STRADB: variants seen among roughly 807,000 people sequenced by gnomAD.
STRADB encodes the protein STE20 related adaptor beta.
A neutral mutation model predicts 52.1 loss-of-function variants in STRADB; 34 were observed. The ratio of observed to expected loss-of-function variants is 0.65; its 90% CI spans 0.50 to 0.87. The LOEUF (loss-of-function observed/expected upper bound fraction) is 0.87. Among genes scored for constraint, STRADB ranks in the 40% least tolerant of loss-of-function variants. STRADB has a pLI of 0.00. For missense variants in STRADB, 340 were observed against 483.9 expected (o/e 0.70, Z 2.79); for synonymous variants, 133 against 174.5 (o/e 0.76, Z 1.87).
Position 201,473,065 on chromosome 2 carries a change from A to C in STRADB, c.304A>C (p.Lys102Gln). The change falls in exon 5 of 12, where the codon AAA becomes CAA. Residue 102 changes from lysine (K) to glutamine (Q), a missense_variant. Coordinates refer to ENST00000194530, the MANE Select transcript of STRADB (RefSeq NM_018571.6). ...NLENCNEERL[K>Q]ALQKAVILSH... ...GGAAAACTGCAATGAAGAACGCCTG[A>C]AAGCTTTACAGGTAACAATATGAAG... 6.2e-7 allele frequency: 1 copy of C among 1,612,662 alleles called. No individual in the cohort carries two copies. Among genetic ancestry groups the C allele is most frequent in the Non-Finnish European group, 8.5e-7 (1 of 1,179,588 alleles).
intron 11 of STRADB, 86 bp from the exon 12 acceptor site, chr2:201,479,946 T>C: frequency 6.6e-7 from 1 of 1,505,922 alleles, no homozygotes; most frequent in Non-Finnish European, 9.2e-7. Context: ...ACATTTAACA[T>C]AAATTCTTTA....
At chr2:201,477,501 C>A in intron 7 of STRADB, 118 bp from the exon 8 acceptor site, 1 of 1,015,202 alleles carries the variant, frequency 9.9e-7, no homozygotes, top group Non-Finnish European at 1.5e-6. Flanking sequence ...GTTTATACTG[C>A]TGTTTTGTAA....
chr2:201,457,866 A>G (rs1952150356), intron 2 of STRADB, among the ~76,000 whole-genome samples: 1 of 152,136 alleles, frequency 6.6e-6, no homozygotes, highest in Non-Finnish European at 1.5e-5. Flanking sequence ...TCTACTAAAA[A>G]TACAAAAATT....
At chr2:201,452,425 C>T (rs1952060201) in intron 1 of STRADB, among the ~76,000 whole-genome samples, 1 of 152,222 alleles carries the variant, frequency 6.6e-6, no homozygotes, top group Admixed American at 6.5e-5. Context: ...GTCGTTTTGT[C>T]TTCGGTTTTT....
At chr2:201,455,514 C>T (rs914107159) in intron 2 of STRADB, among the ~76,000 whole-genome samples, 2 of 152,124 alleles carry the variant, frequency 1.3e-5, no homozygotes, top group Non-Finnish European at 2.9e-5. Flanking sequence ...AGGAGTTCAA[C>T]ACCAGCCTAG....
intron 3 of STRADB, among the ~76,000 whole-genome samples, chr2:201,459,724 T>G (rs1952184075): frequency 6.6e-6 from 1 of 152,204 alleles, no homozygotes; most frequent in Non-Finnish European, 1.5e-5. Context: ...ACAGGCCTGC[T>G]TGTATCGCTT....
chr2:201,464,827 C>T (rs1403811910), intron 3 of STRADB, among the ~76,000 whole-genome samples: 2 of 152,256 alleles, frequency 1.3e-5, no homozygotes, highest in Non-Finnish European at 2.9e-5. Context: ...TCCCATTCTT[C>T]CCTCTCCTTT....
At chr2:201,467,612 G>C (rs2125677683) in intron 3 of STRADB, among the ~76,000 whole-genome samples, 1 of 152,236 alleles carries the variant, frequency 6.6e-6, no homozygotes, top group East Asian at 1.9e-4. Flanking sequence ...TTGGCCACTT[G>C]CAAATGGCAA....
chr2:201,454,363 CTG>C (rs546855031), intron 1 of STRADB, among the ~76,000 whole-genome samples: 40 of 152,284 alleles, frequency 2.6e-4, no homozygotes, highest in Non-Finnish European at 4.3e-4. Flanking sequence ...GTAAGTGACA[CTG>C]TTTATATCAA....
chr2:201,477,931 A>G, intron 8 of STRADB, 141 bp downstream of exon 8: 1 of 1,222,914 alleles, frequency 8.2e-7, no homozygotes, highest in Non-Finnish European at 1.2e-6. Context: ...AAATTATGTT[A>G]GGAAATTAAA....
intron 3 of STRADB, 59 bp from the exon 4 acceptor site, chr2:201,469,894 T>G: frequency 7.8e-7 from 1 of 1,287,284 alleles, no homozygotes; most frequent in Non-Finnish European, 1.1e-6. Flanking sequence ...TGTTTTATAT[T>G]AGGGCAGGGG....
At chr2:201,474,794 A>G (rs370617811) in intron 6 of STRADB, 39 bp downstream of exon 6, 4 of 1,460,254 alleles carry the variant, frequency 2.7e-6, no homozygotes, top group Non-Finnish European at 3.8e-6. Context: ...CTTAGCCTAG[A>G]TGTTATAATT....
intron 5 of STRADB, among the ~76,000 whole-genome samples, chr2:201,473,612 AACTT>A (rs1397884979): frequency 6.6e-6 from 1 of 152,208 alleles, no homozygotes; most frequent in African/African-American, 2.4e-5. Flanking sequence ...AATATATTCA[AACTT>A]TGGTAACTGC....
chr2:201,457,991 T>G (rs1952153094), intron 2 of STRADB, among the ~76,000 whole-genome samples: 1 of 152,072 alleles, frequency 6.6e-6, no homozygotes, highest in Non-Finnish European at 1.5e-5. Flanking sequence ...ACCACTGCAC[T>G]CTAGCCTGGG....
chr2:201,455,287 A>G (rs1368180183), intron 2 of STRADB, among the ~76,000 whole-genome samples: 1 of 152,202 alleles, frequency 6.6e-6, no homozygotes, highest in African/African-American at 2.4e-5. Flanking sequence ...TATAGCTGCC[A>G]ACTGGTTTTC....
At chr2:201,457,944 A>C (rs1952151831) in intron 2 of STRADB, among the ~76,000 whole-genome samples, 1 of 152,112 alleles carries the variant, frequency 6.6e-6, no homozygotes, top group Non-Finnish European at 1.5e-5. Context: ...GAATTGCTTG[A>C]ACCCAGGAGG....
intron 7 of STRADB, among the ~76,000 whole-genome samples, chr2:201,477,255 G>A (rs1442674307): frequency 6.6e-6 from 1 of 151,358 alleles, no homozygotes; most frequent in Non-Finnish European, 1.5e-5. Context: ...TAGTAGAGAC[G>A]GGGTTTCACC....
intron 5 of STRADB, among the ~76,000 whole-genome samples, chr2:201,474,404 T>G (rs1010407850): frequency 6.6e-6 from 1 of 152,214 alleles, no homozygotes; most frequent in Admixed American, 6.5e-5. Flanking sequence ...TCCACTTCTT[T>G]TTATTAATTG....
chr2:201,478,481 T>A lies in STRADB; in HGVS notation c.950T>A (p.Leu317His), dbSNP rs1035667632. 2 of 1,613,752 alleles carry A rather than the reference T, an allele frequency of 1.2e-6. No individual in the cohort carries two copies. Among genetic ancestry groups the A allele is most frequent in the African/African-American group, 2.7e-5 (2 of 74,842 alleles). ...GVDSGIGESV[L>H]VSSGTHTVNS... ...GACTCTGGGATTGGAGAAAGTGTGC[T>A]TGTCTCCAGTGGAACTCACACAGTA... is the stretch of plus-strand genomic sequence containing the variant. Residue 317 changes from leucine (L) to histidine (H), a missense_variant, in exon 10 of 12, where the codon CTT (leucine) becomes CAT (histidine). By Grantham distance (99) the Leu-to-His change is moderately conservative. Coordinates refer to ENST00000194530, the MANE Select transcript of STRADB (RefSeq NM_018571.6).
Sources: gnomAD v4.1 joint callset for allele counts (sites outside exome capture counted in the v4.1 genomes callset) on GRCh38, gnomAD v4.1.1 for gene constraint, MANE v1.5 for transcripts, NCBI Gene and HGNC (gene_info 2026-07-23, HGNC 2026-07-21) for gene names.